Variants in PMEPA1 observed in about 807,000 individuals in gnomAD.
The protein encoded by PMEPA1 is protein TMEPAI.
A neutral mutation model predicts 23.0 loss-of-function variants in PMEPA1; 11 were observed. That is an observed-to-expected ratio of 0.48 (90% CI 0.30 to 0.79). The LOEUF (loss-of-function observed/expected upper bound fraction) is 0.79. PMEPA1 is among the 30% of genes least tolerant of loss of function. The probability of loss-of-function intolerance (pLI) is 0.06; values close to 1 mark genes in which losing one functional copy is unlikely to be tolerated. For missense variants in PMEPA1, 377 were observed against 390.9 expected (o/e 0.96, Z 0.30); for synonymous variants, 204 against 166.4 (o/e 1.23, Z -1.74).
chr20:57,665,115 G>A lies in PMEPA1; in HGVS notation c.110-5418C>T, dbSNP rs889464342. On this transcript the variant is annotated intron_variant, in intron 1 of 3. Coordinates refer to ENST00000341744, the MANE Select transcript of PMEPA1 (RefSeq NM_020182.5). ...GCCACAGGGGACAGAGCAGGAGAGG[G>A]CACACCCAAACTCACTGTAGTCACT... 2.0e-4 allele frequency among the ~76,000 whole-genome samples: 31 copies of A among 152,298 alleles called. No individual in the cohort carries two copies. The East Asian group carries it at 3.7e-3, about 18-fold the overall frequency.
chr20:57,648,551 G>C lies in PMEPA1; in HGVS notation c.*3502C>G, dbSNP rs1043118. 10 of 152,582 alleles carry C rather than the reference G, an allele frequency of 6.6e-5. No individual in the cohort carries two copies. Among genetic ancestry groups the C allele is most frequent in the Admixed American group, 2.0e-4 (3 of 15,284 alleles). The allele number at this position is 152,582 out of a possible 1,614,324, so 9.5% of individuals were successfully genotyped here. On this transcript the variant is annotated 3_prime_UTR_variant, in exon 4 of 4. Transcript: ENST00000341744. Reference sequence around the variant, plus strand: ...TTACGCAGCGGGGACGTGGGTGCGCGCCCCGCATGCCACGGAAAGCTTACA... The same window carrying C: ...TTACGCAGCGGGGACGTGGGTGCGCCCCCCGCATGCCACGGAAAGCTTACA...
At chr20:57,657,112 G>A (rs770285974) in intron 2 of PMEPA1, among the ~76,000 whole-genome samples, 19 of 152,180 alleles carry the variant, frequency 1.2e-4, no homozygotes, top group African/African-American at 3.6e-4. Context: ...CCCAGGTGCC[G>A]TCTCCTGCTC....
intron 1 of PMEPA1, among the ~76,000 whole-genome samples, chr20:57,692,557 G>A (rs2071896584): frequency 6.6e-6 from 1 of 152,226 alleles, no homozygotes; most frequent in African/African-American, 2.4e-5. Context: ...TACCTGGCCT[G>A]CAGCTGGCGG....
chr20:57,706,296 G>T (rs1248862003), intron 1 of PMEPA1, among the ~76,000 whole-genome samples: 1 of 152,134 alleles, frequency 6.6e-6, no homozygotes, highest in Non-Finnish European at 1.5e-5. Flanking sequence ...GAAAGACCGG[G>T]GGTAATCTCT....
Position 57,683,997 on chromosome 20 carries a change from C to T in PMEPA1, c.110-24300G>A, listed in dbSNP as rs3795101. Among the ~76,000 whole-genome samples, 42,360 of 152,092 alleles carry T rather than the reference C, an allele frequency of 0.28. 7,272 individuals are homozygous for T. Among genetic ancestry groups the T allele is most frequent in the East Asian group, 0.58 (3,006 of 5,154 alleles). ...GATGTCCTTCTCTATCTCCTGCAGA[C>T]GAAATGTCCCACCACGCCCCACCCC... On this transcript the variant is annotated intron_variant, in intron 1 of 3. Transcript: ENST00000341744. The surrounding 1 kb of genome is among the most constrained non-coding windows in gnomAD (Gnocchi z 4.3).
At chr20:57,710,357 C>G (rs574827223), upstream of PMEPA1, 3 of 1,267,598 alleles carry the variant, frequency 2.4e-6, no homozygotes, top group African/African-American at 1.5e-5. Flanking sequence ...GGTCCTTGAC[C>G]CAGGCTCTTG....
rs1310703838 is a variant in PMEPA1, at chr20:57,709,613, G to A, written c.-31C>T. The A allele has an allele frequency of 3.2e-5, 32 of 985,862 alleles. No individual in the cohort carries two copies. The highest frequency in any genetic ancestry group is 9.9e-4 in the Middle Eastern group (2 of 2,016). The allele number at this position is 985,862 out of a possible 1,614,324, so 61.1% of individuals were successfully genotyped here. ...GCGCGGCGGCGCGGCGCGGGGCGCGGGGGGCTCGGGGGCGGCCGGGGGGGG... is the reference window on the plus strand; with the variant it reads ...GCGCGGCGGCGCGGCGCGGGGCGCGAGGGGCTCGGGGGCGGCCGGGGGGGG... On this transcript the variant is annotated 5_prime_UTR_variant, in exon 1 of 4. Transcript: ENST00000341744.
intron 1 of PMEPA1, chr20:57,690,765 G>A: frequency 3.1e-6 from 1 of 320,504 alleles, no homozygotes; most frequent in East Asian, 8.1e-5. Flanking sequence ...CTGGGGTGGA[G>A]CCTGGCCGTC....
At chr20:57,670,893 C>T (rs536694249) in intron 1 of PMEPA1, among the ~76,000 whole-genome samples, 87 of 152,246 alleles carry the variant, frequency 5.7e-4, no homozygotes, top group African/African-American at 1.9e-3. Flanking sequence ...CAGAGAAACA[C>T]GTTCTTCCCC....
rs746885958 is a variant in PMEPA1, at chr20:57,653,045, G to A, written c.306C>T (p.Asn102=). The A allele has an allele frequency of 1.3e-5, 20 of 1,596,222 alleles. 1 individual carries two copies. Among genetic ancestry groups the A allele is most frequent in the Middle Eastern group, 3.3e-4 (2 of 6,042 alleles). ...LWPSESTVSG[N]GIPEPQVYAP... is the part of the protein sequence containing the mutation. ...AGGGAGGTCTCACCTCTGGGATTCCGTTGCCTGACACTGTGCTCTCCGAGG... is the reference window on the plus strand; with the variant it reads ...AGGGAGGTCTCACCTCTGGGATTCCATTGCCTGACACTGTGCTCTCCGAGG... The change falls in exon 3 of 4, where the codon AAC becomes AAT. Residue 102 remains asparagine, a synonymous_variant. Transcript: ENST00000341744.
rs1271745842 is a variant in PMEPA1 at position 57,709,587 on chromosome 20, G to C, written c.-5C>G. 2.0e-6 allele frequency: 2 copies of C among 1,000,598 alleles called. No individual in the cohort carries two copies. Among genetic ancestry groups the C allele is most frequent in the African/African-American group, 1.8e-5 (1 of 56,068 alleles). 62.0% of individuals were successfully genotyped at this position (1,000,598 alleles called of 1,614,324 possible). A position where few individuals can be genotyped will look rare whatever the true frequency, so the allele number is the denominator to read the frequency against. Reference sequence around the variant, plus strand: ...GACCCCCATCAAGCGGTGCATGGACGGCGCGGCGGCGCGGCGCGGGGCGCG... The same window carrying C: ...GACCCCCATCAAGCGGTGCATGGACCGCGCGGCGGCGCGGCGCGGGGCGCG... On this transcript the variant is annotated 5_prime_UTR_variant, in exon 1 of 4. Coordinates refer to ENST00000341744, the MANE Select transcript of PMEPA1 (RefSeq NM_020182.5).
chr20:57,676,204 C>T (rs1051819177), intron 1 of PMEPA1, among the ~76,000 whole-genome samples: 2 of 152,242 alleles, frequency 1.3e-5, no homozygotes, highest in African/African-American at 4.8e-5. Flanking sequence ...GATGCAGCCA[C>T]CTGCTGTATG....
chr20:57,702,536 T>C (rs2072025996), intron 1 of PMEPA1, among the ~76,000 whole-genome samples: 1 of 152,208 alleles, frequency 6.6e-6, no homozygotes, highest in African/African-American at 2.4e-5. Context: ...CAATATGGGC[T>C]TGCAGTCTTG....
intron 1 of PMEPA1, among the ~76,000 whole-genome samples, chr20:57,692,837 G>A (rs2071900342): frequency 6.6e-6 from 1 of 152,252 alleles, no homozygotes; most frequent in Admixed American, 6.5e-5. Context: ...ACTCAGCAAT[G>A]TCTCAGGGAG....
chr20:57,679,989 C>T (rs1000083504), intron 1 of PMEPA1, among the ~76,000 whole-genome samples: 8 of 152,318 alleles, frequency 5.3e-5, no homozygotes, highest in African/African-American at 1.9e-4. Flanking sequence ...AGGCTGTCCA[C>T]GCAGGCATCC....
At chr20:57,679,396 G>A (rs1007279796) in intron 1 of PMEPA1, among the ~76,000 whole-genome samples, 1 of 152,184 alleles carries the variant, frequency 6.6e-6, no homozygotes, top group Non-Finnish European at 1.5e-5. Context: ...GTGTATTGGG[G>A]CAAAGGCAGC....
intron 2 of PMEPA1, among the ~76,000 whole-genome samples, chr20:57,658,524 G>GTGGA (rs532646540): frequency 2.1e-4 from 32 of 152,294 alleles, no homozygotes; most frequent in Admixed American, 6.5e-4. Flanking sequence ...GATCTGTCAG[G>GTGGA]TGGATGGATG....
At chr20:57,700,600 C>T (rs2071998449) in intron 1 of PMEPA1, among the ~76,000 whole-genome samples, 1 of 152,208 alleles carries the variant, frequency 6.6e-6, no homozygotes, top group Non-Finnish European at 1.5e-5. Context: ...AGGTCACAAT[C>T]AACCTTTATC....
chr20:57,702,633 G>C (rs1423681013), intron 1 of PMEPA1, among the ~76,000 whole-genome samples: 1 of 152,228 alleles, frequency 6.6e-6, no homozygotes, highest in African/African-American at 2.4e-5. Context: ...GAAAGCCTGG[G>C]AGTGTGGACT....
Sources: allele counts gnomAD v4.1 joint callset (sites outside exome capture counted in the v4.1 genomes callset), GRCh38; gene constraint gnomAD v4.1.1; non-coding constraint Gnocchi (gnomAD v3.1); transcripts MANE v1.5; gene names NCBI Gene and HGNC (gene_info 2026-07-23, HGNC 2026-07-21).